Variants in SS18 observed in about 807,000 individuals in gnomAD.
SS18 encodes the protein SS18 subunit of BAF chromatin remodeling complex.
In SS18, 28 loss-of-function variants were observed where a neutral mutation model predicts 72.5. That is an observed-to-expected ratio of 0.39 (90% CI 0.29 to 0.53). SS18 has a LOEUF of 0.53. SS18 is among the 20% of genes least tolerant of loss of function. SS18 has a pLI of 0.76. For synonymous variants in SS18, 172 were observed against 164.2 expected, an observed-to-expected ratio of 1.05 and a Z score of -0.37; for missense variants, 518 against 535.3, an observed-to-expected ratio of 0.97 and a Z score of 0.32.
At chr18:26,032,673 T>C (rs2053563950) in intron 9 of SS18, 141 bp from the exon 10 acceptor site, 2 of 884,466 alleles carry the variant, frequency 2.3e-6, no homozygotes, top group South Asian at 2.4e-5. Flanking sequence ...TTTCCTCAAA[T>C]GCTTTCTGAA....
At chr18:26,056,965 A>G (rs185535630) in intron 4 of SS18, among the ~76,000 whole-genome samples, 1 of 152,362 alleles carries the variant, frequency 6.6e-6, no homozygotes, top group East Asian at 1.9e-4. Flanking sequence ...CTACACTTAA[A>G]ATTGACAAAT....
At chr18:26,023,516 C>A in intron 10 of SS18, 1 of 433,012 alleles carries the variant, frequency 2.3e-6, no homozygotes, top group Non-Finnish European at 4.3e-6. Flanking sequence ...ATATTAACTA[C>A]AAAAGAACAA....
chr18:26,081,550 T>C (rs1598612381), intron 2 of SS18, among the ~76,000 whole-genome samples: 4 of 152,264 alleles, frequency 2.6e-5, no homozygotes, highest in Admixed American at 2.6e-4. Flanking sequence ...AAAAAAGTAG[T>C]AAATACTCAT....
chr18:26,084,098 A>G (rs1035792570), intron 2 of SS18: 1 of 152,186 alleles, frequency 6.6e-6, no homozygotes, highest in Non-Finnish European at 1.5e-5. Context: ...ATTTTGTGGT[A>G]TAAGAAAATA....
At chr18:26,053,821 A>G (rs1421895650) in intron 4 of SS18, among the ~76,000 whole-genome samples, 3 of 152,224 alleles carry the variant, frequency 2.0e-5, no homozygotes, top group Admixed American at 2.0e-4. Context: ...TGAAGAAAGA[A>G]GCACTTTCAT....
In SS18 at chr18:26,016,701, C is replaced by T. The variant is rs573172106; in HGVS notation, c.*1653G>A. Reference sequence around the variant, plus strand: ...TTGCGCCACTGCACTCCAGCCTGGGCGACAAGAGCAAGACTCCATCTCAAA... The same window carrying T: ...TTGCGCCACTGCACTCCAGCCTGGGTGACAAGAGCAAGACTCCATCTCAAA... On this transcript the variant is annotated 3_prime_UTR_variant, in exon 11 of 11. Coordinates refer to ENST00000415083, the MANE Select transcript of SS18 (RefSeq NM_001007559.3). 30 of 203,738 alleles carry T rather than the reference C, an allele frequency of 1.5e-4. No individual in the cohort carries two copies. The highest frequency in any genetic ancestry group is 3.7e-4 in the African/African-American group (16 of 43,360). The allele number at this position is 203,738 out of a possible 1,614,324, so 12.6% of individuals were successfully genotyped here.
chr18:26,018,416 G>A, intron 10 of SS18, 36 bp from the exon 11 acceptor site: 2 of 1,419,046 alleles, frequency 1.4e-6, no homozygotes, highest in Non-Finnish European at 2.0e-6. Context: ...TTAGATAATA[G>A]TTTGACCATA....
In SS18 at chr18:26,016,356, A is replaced by C. The variant is rs966433540; in HGVS notation, c.*1998T>G. ...TTGGCACAGAACCTACAAGCATTTCAATCACAATAAGGCTGTCCATGATTT... is the reference window on the plus strand; with the variant it reads ...TTGGCACAGAACCTACAAGCATTTCCATCACAATAAGGCTGTCCATGATTT... On this transcript the variant is annotated 3_prime_UTR_variant, in exon 11 of 11. Coordinates refer to ENST00000415083, the MANE Select transcript of SS18 (RefSeq NM_001007559.3). 5.5e-6 allele frequency: 1 copy of C among 183,460 alleles called. No individual in the cohort carries two copies. Among genetic ancestry groups the C allele is most frequent in the Admixed American group, 6.3e-5 (1 of 15,966 alleles). The allele number at this position is 183,460 out of a possible 1,614,324, so 11.4% of individuals were successfully genotyped here.
At chr18:26,042,146 T>C (rs2053739791) in intron 5 of SS18, among the ~76,000 whole-genome samples, 1 of 152,200 alleles carries the variant, frequency 6.6e-6, no homozygotes, top group Admixed American at 6.5e-5. Flanking sequence ...ACTGGCAATG[T>C]ATATTATCTC....
chr18:26,076,003 C>T (rs1013649926), intron 3 of SS18, among the ~76,000 whole-genome samples: 1 of 151,572 alleles, frequency 6.6e-6, no homozygotes, highest in Non-Finnish European at 1.5e-5. Flanking sequence ...AGCAATAAGC[C>T]CAATGAGAGA....
At chr18:26,058,115 G>A (rs879281436) in intron 3 of SS18, among the ~76,000 whole-genome samples, 1 of 152,106 alleles carries the variant, frequency 6.6e-6, no homozygotes, top group Non-Finnish European at 1.5e-5. Flanking sequence ...AAAATGTACA[G>A]TAACAAAAAA....
At chr18:26,045,520 C>T (rs1490074080) in intron 5 of SS18, among the ~76,000 whole-genome samples, 1 of 152,082 alleles carries the variant, frequency 6.6e-6, no homozygotes. Context: ...GCTTATTTTT[C>T]TTTTTCCTTT....
chr18:26,055,751 GTTTTTTTTTTTTTTGT>G (rs1321623952), intron 4 of SS18, among the ~76,000 whole-genome samples: 1 of 126,782 alleles, frequency 7.9e-6, no homozygotes, highest in African/African-American at 2.8e-5. Context: ...AATTCTTTCT[GTTTTTTTTTTTTTTGT>G]TTTTTTTTTT....
chr18:26,053,625 C>A (rs2053961839), intron 4 of SS18, among the ~76,000 whole-genome samples: 2 of 150,470 alleles, frequency 1.3e-5, no homozygotes, highest in Admixed American at 1.3e-4. Context: ...AAAAGACCAC[C>A]ACCAGTAAAA....
chr18:26,082,960 T>C (rs1251358984), intron 2 of SS18, among the ~76,000 whole-genome samples: 1 of 152,210 alleles, frequency 6.6e-6, no homozygotes, highest in Non-Finnish European at 1.5e-5. Flanking sequence ...AATTCCCAGA[T>C]GGCTGTCATG....
rs2143838231 is a variant in SS18 at position 26,032,535 on chromosome 18, G to A, written c.1097-3C>T. 6.2e-7 allele frequency: 1 copy of A among 1,613,118 alleles called. No individual in the cohort carries two copies. Among genetic ancestry groups the A allele is most frequent in the East Asian group, 2.2e-5 (1 of 44,858 alleles). ...ACCTGGACCACCCTGTGAAGGACCT[G>A]AAAATAATGTACACAACAAAAACCC... On this transcript the variant is annotated splice_region_variant and splice_polypyrimidine_tract_variant and intron_variant, in intron 9 of 10. Coordinates refer to ENST00000415083, the MANE Select transcript of SS18 (RefSeq NM_001007559.3).
chr18:26,070,784 C>T (rs1371153729), intron 3 of SS18, among the ~76,000 whole-genome samples: 1 of 152,066 alleles, frequency 6.6e-6, no homozygotes, highest in East Asian at 1.9e-4. Flanking sequence ...AATTCCCACC[C>T]CATTCAACTG....
intron 9 of SS18, 39 bp from the exon 10 acceptor site, chr18:26,032,571 G>A (rs761293756): frequency 1.2e-6 from 2 of 1,607,904 alleles, no homozygotes; most frequent in Admixed American, 1.7e-5. Flanking sequence ...ACATAAAAAG[G>A]TAAGTCCCTA....
At chr18:26,075,426 A>G (rs2054394473) in intron 3 of SS18, among the ~76,000 whole-genome samples, 1 of 151,994 alleles carries the variant, frequency 6.6e-6, no homozygotes, top group Admixed American at 6.6e-5. Flanking sequence ...CTGACTGAGC[A>G]TTAAAAGTAT....
Sources: allele counts gnomAD v4.1 joint callset (sites outside exome capture counted in the v4.1 genomes callset), GRCh38; gene constraint gnomAD v4.1.1; transcripts MANE v1.5; gene names NCBI Gene and HGNC (gene_info 2026-07-23, HGNC 2026-07-21).